Variants in PRMT3 observed in about 807,000 individuals in gnomAD.
PRMT3 encodes protein arginine methyltransferase 3.
PRMT3 carries 62 observed loss-of-function variants against 71.9 expected under a neutral mutation model. The observed-to-expected ratio is 0.86, with a 90% CI of 0.70 to 1.07. PRMT3 has a LOEUF of 1.07. Among genes scored for constraint, PRMT3 ranks in the 50% least tolerant of loss-of-function variants. The pLI, the probability that PRMT3 is intolerant of heterozygous loss-of-function variation, is 0.00. For missense variants in PRMT3, 663 were observed against 643.0 expected (o/e 1.03, Z -0.34); for synonymous variants, 213 against 220.4 (o/e 0.97, Z 0.30).
chr11:20,451,376 A>G (rs896411661), intron 10 of PRMT3, among the ~76,000 whole-genome samples: 3 of 152,092 alleles, frequency 2.0e-5, no homozygotes, highest in Non-Finnish European at 2.9e-5. Flanking sequence ...TCTCTTTACC[A>G]TGAGAACTAC....
chr11:20,387,976 A>G lies in PRMT3; in HGVS notation c.29-43A>G. The G allele has an allele frequency of 1.2e-6, 2 of 1,611,772 alleles. No individual in the cohort carries two copies. The highest frequency in any genetic ancestry group is 2.2e-5 in the South Asian group (2 of 91,002). On this transcript the variant is annotated intron_variant, in intron 1 of 15. Transcript: ENST00000331079. The surrounding 1 kb of genome is among the most constrained non-coding windows in gnomAD (Gnocchi z 4.3). The stretch of plus-strand genomic sequence containing the variant: ...CCTGCTCCTCGAGCCCCCGGGCCGC[A>G]CCGGTGTCCGAGGCCGATCTGATTG...
intron 9 of PRMT3, among the ~76,000 whole-genome samples, chr11:20,422,425 G>A (rs1318563669): frequency 2.6e-5 from 4 of 152,060 alleles, no homozygotes; most frequent in African/African-American, 9.7e-5. Flanking sequence ...CCAGGTAGAC[G>A]TAAAAGCATA....
Position 20,508,452 on chromosome 11 carries a change from T to C in PRMT3, c.*39T>C. 1 of 1,444,434 alleles carries C rather than the reference T, an allele frequency of 6.9e-7. No individual in the cohort carries two copies. Among genetic ancestry groups the C allele is most frequent in the Admixed American group, 1.7e-5 (1 of 59,732 alleles). The allele number at this position is 1,444,434 out of a possible 1,614,324, so 89.5% of individuals were successfully genotyped here. ...GCACACTACCTTGTAGTTTTTAATGTGGGGGTAGAGTGGGTCAGCAGGAGG... is the reference window on the plus strand; with the variant it reads ...GCACACTACCTTGTAGTTTTTAATGCGGGGGTAGAGTGGGTCAGCAGGAGG... On this transcript the variant is annotated 3_prime_UTR_variant, in exon 16 of 16. Coordinates refer to ENST00000331079, the MANE Select transcript of PRMT3 (RefSeq NM_005788.4).
At chr11:20,427,837 T>C (rs75534450) in intron 10 of PRMT3, among the ~76,000 whole-genome samples, 3,092 of 140,078 alleles carry the variant, frequency 0.022, 124 homozygotes, top group African/African-American at 0.075. Flanking sequence ...GAAATAATTT[T>C]TTTCCTTAAA....
chr11:20,458,951 ATATAT>A (rs1850325146), intron 11 of PRMT3, among the ~76,000 whole-genome samples: 1 of 152,132 alleles, frequency 6.6e-6, no homozygotes. Context: ...GGTGTCACTA[ATATAT>A]TACTTAATAT....
rs753476478 is a variant in PRMT3 at position 20,402,988 on chromosome 11, A to G, written c.771+4A>G. ...TCCACATATCTTCAAAGACAAGGTAAGTAGTATAGGTTATAGAATTATACA... is the reference window on the plus strand; with the variant it reads ...TCCACATATCTTCAAAGACAAGGTAGGTAGTATAGGTTATAGAATTATACA... On this transcript the variant is annotated splice_donor_region_variant and intron_variant, in intron 8 of 15. Coordinates refer to ENST00000331079, the MANE Select transcript of PRMT3 (RefSeq NM_005788.4). 6.4e-7 allele frequency: 1 copy of G among 1,570,930 alleles called. No homozygotes were observed. The highest frequency in any genetic ancestry group is 1.1e-5 in the South Asian group (1 of 90,116).
At position 20,509,036 on chromosome 11, in the gene PRMT3, T is replaced by C. The variant is rs1851665420; in HGVS notation, c.*623T>C. ...CCTCTTTGTGACTATTCCTTAGCCTTATAGATTTCTAGTACTGCCCAGGAA... is the reference window on the plus strand; with the variant it reads ...CCTCTTTGTGACTATTCCTTAGCCTCATAGATTTCTAGTACTGCCCAGGAA... On this transcript the variant is annotated 3_prime_UTR_variant, in exon 16 of 16. Coordinates refer to ENST00000331079, the MANE Select transcript of PRMT3 (RefSeq NM_005788.4). The C allele has an allele frequency of 6.5e-6, 1 of 154,474 alleles. No homozygotes were observed. Among genetic ancestry groups the C allele is most frequent in the Non-Finnish European group, 1.4e-5 (1 of 69,448 alleles). The allele number at this position is 154,474 out of a possible 1,614,324, so 9.6% of individuals were successfully genotyped here.
intron 9 of PRMT3, among the ~76,000 whole-genome samples, chr11:20,425,406 T>C (rs80128637): frequency 0.048 from 7,360 of 152,298 alleles, 274 homozygotes; most frequent in East Asian, 0.2. Context: ...AAGTTAGATA[T>C]ACACTACCAT....
chr11:20,462,070 G>A lies in PRMT3; in HGVS notation c.1163G>A (p.Gly388Asp). 6.2e-6 allele frequency: 10 copies of A among 1,613,236 alleles called. No homozygotes were observed. The highest frequency in any genetic ancestry group is 8.5e-6 in the Non-Finnish European group (10 of 1,179,406). ...DRIAFWDDVY[G>D]FKMSCMKKAV... ...ATTGCTTTTTGGGATGATGTCTATG[G>A]CTTCAAGATGTCCTGCATGAAGAAA... is the stretch of plus-strand genomic sequence containing the variant. Residue 388 changes from glycine to aspartate, a missense_variant, in exon 12 of 16, where the codon GGC becomes GAC. By Grantham distance (94) the Gly-to-Asp change is moderately conservative (BLOSUM62 -1). Coordinates refer to ENST00000331079, the MANE Select transcript of PRMT3 (RefSeq NM_005788.4).
At chr11:20,411,863 G>T (rs1474540859) in intron 9 of PRMT3, among the ~76,000 whole-genome samples, 1 of 152,124 alleles carries the variant, frequency 6.6e-6, no homozygotes, top group African/African-American at 2.4e-5. Context: ...TATACAGCAG[G>T]TTCACAGTTG....
At chr11:20,488,768 T>G (rs1475866985) in intron 13 of PRMT3, among the ~76,000 whole-genome samples, 1 of 152,194 alleles carries the variant, frequency 6.6e-6, no homozygotes, top group African/African-American at 2.4e-5. Flanking sequence ...AAAGAAATAT[T>G]CATCACACTA....
At chr11:20,435,136 C>T (rs1365727000) in intron 10 of PRMT3, among the ~76,000 whole-genome samples, 1 of 152,132 alleles carries the variant, frequency 6.6e-6, no homozygotes, top group African/African-American at 2.4e-5. Flanking sequence ...TGTCCTGAAG[C>T]GTTTCCCCTA....
rs1848902269 is a variant in PRMT3, at chr11:20,399,472, C to T, written c.705+1751C>T. Reference sequence around the variant, plus strand: ...ATAAGTAATACGTTATTTTAAGTCTCAGTGAATTTGTTGAAAAGAAATTGA... The same window carrying T: ...ATAAGTAATACGTTATTTTAAGTCTTAGTGAATTTGTTGAAAAGAAATTGA... On this transcript the variant is annotated intron_variant, in intron 7 of 15. Coordinates refer to ENST00000331079, the MANE Select transcript of PRMT3 (RefSeq NM_005788.4). 3.3e-5 allele frequency among the ~76,000 whole-genome samples: 5 copies of T among 152,172 alleles called. No homozygotes were observed. The South Asian group carries it at 1.0e-3, about 31-fold the overall frequency.
intron 15 of PRMT3, among the ~76,000 whole-genome samples, chr11:20,503,658 T>C (rs1851511160): frequency 1.3e-5 from 2 of 152,016 alleles, no homozygotes; most frequent in South Asian, 4.1e-4. Flanking sequence ...TCTTCTATCA[T>C]TAGGTTGTTC....
At chr11:20,431,965 T>C (rs910171887) in intron 10 of PRMT3, among the ~76,000 whole-genome samples, 1 of 152,082 alleles carries the variant, frequency 6.6e-6, no homozygotes, top group Non-Finnish European at 1.5e-5. Flanking sequence ...AAAGTTGTGG[T>C]TCATATTTTT....
In PRMT3 at chr11:20,407,980, G is replaced by A. The variant is rs756235169; in HGVS notation, c.841G>A (p.Val281Ile). Reference protein sequence around the residue: ...MFAAKAGAKKVLGVDQSEILY... With the variant: ...MFAAKAGAKKILGVDQSEILY... Reference sequence around the variant, plus strand: ...TGCTGCTAAAGCTGGGGCGAAGAAGGTTCTTGGAGTTGATCAATCTGAAAT... The same window carrying A: ...TGCTGCTAAAGCTGGGGCGAAGAAGATTCTTGGAGTTGATCAATCTGAAAT... The change falls in exon 9 of 16, where the codon GTT becomes ATT. Residue 281 changes from valine (V) to isoleucine (I), a missense_variant. Val to Ile is a conservative substitution (Grantham distance 29). Coordinates refer to ENST00000331079, the MANE Select transcript of PRMT3 (RefSeq NM_005788.4). The A allele has an allele frequency of 5.6e-6, 9 of 1,603,068 alleles. No individual in the cohort carries two copies. The highest frequency in any genetic ancestry group is 7.7e-6 in the Non-Finnish European group (9 of 1,170,192).
chr11:20,498,024 T>C (rs1851372838), intron 15 of PRMT3, among the ~76,000 whole-genome samples: 1 of 152,128 alleles, frequency 6.6e-6, no homozygotes. Flanking sequence ...GCGAAGAGAA[T>C]ATAAGAAGAC....
chr11:20,485,585 A>G (rs1851051982), intron 13 of PRMT3, among the ~76,000 whole-genome samples: 1 of 152,172 alleles, frequency 6.6e-6, no homozygotes, highest in Non-Finnish European at 1.5e-5. Flanking sequence ...TTCATGTATT[A>G]GTGTAGAGAA....
chr11:20,508,617 C>G lies in PRMT3; in HGVS notation c.*204C>G, dbSNP rs538038582. 6 of 671,384 alleles carry G rather than the reference C, an allele frequency of 8.9e-6. No homozygotes were observed. Among genetic ancestry groups the G allele is most frequent in the African/African-American group, 8.9e-5 (5 of 56,468 alleles). The allele number at this position is 671,384 out of a possible 1,614,324, so 41.6% of individuals were successfully genotyped here. On this transcript the variant is annotated 3_prime_UTR_variant, in exon 16 of 16. Transcript: ENST00000331079. Reference sequence around the variant, plus strand: ...ATCAGCTGATCCTCATGGTCTGCCACGTAATCATTTTCTTAGACGTTTGCT... The same window carrying G: ...ATCAGCTGATCCTCATGGTCTGCCAGGTAATCATTTTCTTAGACGTTTGCT...
Sources: gnomAD v4.1 joint callset for allele counts (sites outside exome capture counted in the v4.1 genomes callset) on GRCh38, gnomAD v4.1.1 for gene constraint, Gnocchi (gnomAD v3.1) non-coding constraint, MANE v1.5 for transcripts, NCBI Gene and HGNC (gene_info 2026-07-23, HGNC 2026-07-21) for gene names.